The following TENM3 variants were observed in gnomAD, a reference collection of about 807,000 sequenced individuals.
The protein encoded by TENM3 is teneurin transmembrane protein 3.
A neutral mutation model predicts 255.1 loss-of-function variants in TENM3; 63 were observed. The ratio of observed to expected loss-of-function variants is 0.25; its 90% CI spans 0.20 to 0.30. TENM3 has a LOEUF of 0.30. TENM3 is among the 10% of genes least tolerant of loss of function. The pLI is 1.00. For missense variants in TENM3, 2,929 were observed against 3,461.1 expected (o/e 0.85, Z 3.86); for synonymous variants, 1,306 against 1,322.3 (o/e 0.99, Z 0.27).
intron 3 of TENM3, among the ~76,000 whole-genome samples, chr4:182,516,572 A>G (rs1288947992): frequency 1.3e-5 from 2 of 152,188 alleles, no homozygotes; most frequent in African/African-American, 4.8e-5. Context: ...TATTTCATAA[A>G]GTCTGTAACG....
intron 3 of TENM3, among the ~76,000 whole-genome samples, chr4:182,545,152 A>G (rs546577948): frequency 5.6e-4 from 85 of 152,220 alleles, no homozygotes; most frequent in Non-Finnish European, 1.1e-3. Flanking sequence ...TAGTTCTACA[A>G]TTACAGAGCT....
chr4:182,614,103 C>T (rs1351187971), intron 4 of TENM3, among the ~76,000 whole-genome samples: 1 of 152,140 alleles, frequency 6.6e-6, no homozygotes, highest in African/African-American at 2.4e-5. Flanking sequence ...GTTTTCCCAT[C>T]AAAGTACATA....
chr4:181,490,142 C>T, the TENM3 span, among the ~76,000 whole-genome samples: 6 of 152,224 alleles, frequency 3.9e-5, no homozygotes, highest in East Asian at 7.7e-4. Flanking sequence ...TCACCTCAAG[C>T]ATTTGTTATT....
chr4:182,691,317 C>A (rs1756991667), intron 12 of TENM3, among the ~76,000 whole-genome samples: 1 of 152,164 alleles, frequency 6.6e-6, no homozygotes, highest in South Asian at 2.1e-4. Context: ...TTTTTTCTTT[C>A]TCCATATTAT....
At chr4:181,720,830 G>C in the TENM3 span, among the ~76,000 whole-genome samples, 1 of 152,182 alleles carries the variant, frequency 6.6e-6, no homozygotes, top group African/African-American at 2.4e-5. Context: ...GACCATAAAG[G>C]TAAGTTTTCT....
At chr4:182,485,830 G>T (rs1424012480) in intron 3 of TENM3, among the ~76,000 whole-genome samples, 1 of 152,166 alleles carries the variant, frequency 6.6e-6, no homozygotes, top group Non-Finnish European at 1.5e-5. Flanking sequence ...ATTCAGAAAT[G>T]CAGTCAAGGA....
At chr4:182,562,789 A>G (rs796276436) in intron 3 of TENM3, among the ~76,000 whole-genome samples, 2 of 152,190 alleles carry the variant, frequency 1.3e-5, no homozygotes, top group South Asian at 4.2e-4. Context: ...TCTCAACACA[A>G]CAACACCGTG....
At chr4:181,601,951 C>T in the TENM3 span, among the ~76,000 whole-genome samples, 1 of 151,858 alleles carries the variant, frequency 6.6e-6, no homozygotes, top group South Asian at 2.1e-4. Context: ...TAGGTATCCT[C>T]TTCTCTTCTA....
intron 1 of TENM3, among the ~76,000 whole-genome samples, chr4:182,279,313 G>T (rs1760218935): frequency 6.6e-6 from 1 of 152,040 alleles, no homozygotes; most frequent in South Asian, 2.1e-4. Flanking sequence ...TTAAGAAAGA[G>T]ATATATTGCT....
the TENM3 span, among the ~76,000 whole-genome samples, chr4:181,763,765 C>G: frequency 6.6e-6 from 1 of 152,182 alleles, no homozygotes; most frequent in African/African-American, 2.4e-5. Context: ...AGCACTAACT[C>G]AAGTTAATTC....
the TENM3 span, among the ~76,000 whole-genome samples, chr4:181,867,798 A>G: frequency 6.6e-6 from 1 of 152,176 alleles, no homozygotes; most frequent in African/African-American, 2.4e-5. Context: ...TAATGAGCAA[A>G]CTGCCGCAAA....
the TENM3 span, among the ~76,000 whole-genome samples, chr4:181,967,061 G>A: frequency 6.6e-6 from 1 of 151,690 alleles, no homozygotes; most frequent in Non-Finnish European, 1.5e-5. Context: ...TTTTCATGCA[G>A]TTATGTAAAC....
intron 2 of TENM3, among the ~76,000 whole-genome samples, chr4:182,325,542 C>G (rs1345744437): frequency 6.6e-6 from 1 of 152,138 alleles, no homozygotes; most frequent in Non-Finnish European, 1.5e-5. Flanking sequence ...GAGGTATGTA[C>G]TCTTAGTTGA....
chr4:182,202,493 C>T (rs975233852), intron 1 of TENM3, among the ~76,000 whole-genome samples: 6 of 151,734 alleles, frequency 4.0e-5, no homozygotes, highest in African/African-American at 7.3e-5. Context: ...TTAATAGAGA[C>T]GGGGTTTCTC....
chr4:182,679,916 C>A, intron 8 of TENM3, 40 bp downstream of exon 8: 2 of 1,517,642 alleles, frequency 1.3e-6, no homozygotes, highest in Non-Finnish European at 1.8e-6. Flanking sequence ...CAGGCTATAG[C>A]CTAAACGCCG....
the TENM3 span, among the ~76,000 whole-genome samples, chr4:181,476,610 T>A: frequency 6.6e-6 from 1 of 152,138 alleles, no homozygotes; most frequent in Admixed American, 6.5e-5. Flanking sequence ...AATCTTAAAT[T>A]ATACATCCCA....
At chr4:182,778,678 T>C (rs1416898519) in intron 24 of TENM3, among the ~76,000 whole-genome samples, 1 of 152,222 alleles carries the variant, frequency 6.6e-6, no homozygotes, top group Non-Finnish European at 1.5e-5. Context: ...GGGAAGATTA[T>C]AGCTGCCTGC....
chr4:181,767,096 C>CA, the TENM3 span, among the ~76,000 whole-genome samples: 19 of 132,644 alleles, frequency 1.4e-4, 1 homozygote, highest in South Asian at 3.8e-3. Flanking sequence ...ACTAAAAATA[C>CA]AAAAAATTAG....
At chr4:181,860,399 T>A in the TENM3 span, among the ~76,000 whole-genome samples, 2 of 152,216 alleles carry the variant, frequency 1.3e-5, no homozygotes, top group African/African-American at 4.8e-5. Flanking sequence ...CACTTTGGAA[T>A]GCATTTTTCT....
Sources: allele counts gnomAD v4.1 joint callset (sites outside exome capture counted in the v4.1 genomes callset), GRCh38; gene constraint gnomAD v4.1.1; transcripts MANE v1.5; gene names NCBI Gene and HGNC (gene_info 2026-07-23, HGNC 2026-07-21).